Variants in MOCS2 observed in about 807,000 individuals in gnomAD.
MOCS2 encodes molybdopterin synthase catalytic subunit.
A neutral mutation model predicts 21.9 loss-of-function variants in MOCS2; 13 were observed. The ratio of observed to expected loss-of-function variants is 0.59; its 90% CI spans 0.39 to 0.94. MOCS2 has a LOEUF of 0.94. Among genes scored for constraint, MOCS2 ranks in the 40% least tolerant of loss-of-function variants. The pLI is 0.00. For synonymous variants in MOCS2, 92 were observed against 80.8 expected (o/e 1.14, Z -0.74); for missense variants, 227 against 218.3 (o/e 1.04, Z -0.25).
intron 2 of MOCS2, 73 bp from the exon 3 acceptor site, chr5:53,107,294 G>GTA: frequency 7.6e-7 from 1 of 1,323,590 alleles, no homozygotes; most frequent in Non-Finnish European, 1.1e-6. Context: ...TGCAATTAGA[G>GTA]ATATTACATA....
At chr5:53,108,256 G>A (rs1442219244) in intron 2 of MOCS2, among the ~76,000 whole-genome samples, 1 of 152,110 alleles carries the variant, frequency 6.6e-6, no homozygotes, top group Non-Finnish European at 1.5e-5. Context: ...AATTGCAGAA[G>A]TGACATGTGC....
In MOCS2 at chr5:53,098,191, T is replaced by C. The variant is rs1027073392; in HGVS notation, c.*411A>G. 1 of 190,094 alleles carries C rather than the reference T, an allele frequency of 5.3e-6. No homozygotes were observed. The highest frequency in any genetic ancestry group is 2.3e-5 in the African/African-American group (1 of 42,786). The allele number at this position is 190,094 out of a possible 1,614,324, so 11.8% of individuals were successfully genotyped here. A position where few individuals can be genotyped will look rare whatever the true frequency, so the allele number is the denominator to read the frequency against. The stretch of plus-strand genomic sequence containing the variant: ...GTTCTGCCAACATTCCTGTCATGCA[T>C]CCTTAATAACAATGCTCTCCCAGAA... On this transcript the variant is annotated 3_prime_UTR_variant, in exon 7 of 7. Transcript: ENST00000396954.
At chr5:53,103,840 T>A (rs1740981923) in intron 3 of MOCS2, among the ~76,000 whole-genome samples, 1 of 152,112 alleles carries the variant, frequency 6.6e-6, no homozygotes, top group South Asian at 2.1e-4. Flanking sequence ...AAGGAGGAAG[T>A]CTTGTAAAGA....
At chr5:53,098,840 C>A in intron 6 of MOCS2, 173 bp from the exon 7 acceptor site, 1 of 616,976 alleles carries the variant, frequency 1.6e-6, no homozygotes, top group Non-Finnish European at 2.9e-6. Flanking sequence ...GACAGAAAGT[C>A]TTTAGTTTTA....
At chr5:53,109,213 C>T (rs941512672) in intron 1 of MOCS2, 38 bp downstream of exon 1, 2 of 883,776 alleles carry the variant, frequency 2.3e-6, no homozygotes, top group Non-Finnish European at 2.7e-6. Context: ...GTGCCAGCAG[C>T]CTGGTATGTA....
intron 3 of MOCS2, among the ~76,000 whole-genome samples, 170 bp from the exon 4 acceptor site, chr5:53,102,394 A>G (rs959689475): frequency 3.9e-5 from 6 of 152,172 alleles, no homozygotes; most frequent in African/African-American, 1.4e-4. Context: ...GTGGCCCAGG[A>G]TGCTTCTAAG....
chr5:53,099,490 A>G (rs975732228), intron 6 of MOCS2, among the ~76,000 whole-genome samples: 8 of 152,314 alleles, frequency 5.3e-5, no homozygotes, highest in South Asian at 2.1e-4. Context: ...CAGCAAGGGA[A>G]CAATATATCT....
At position 53,108,661 on chromosome 5, in the gene MOCS2, G is replaced by T. The variant is rs759733127; in HGVS notation, c.-169-18C>A. On this transcript the variant is annotated intron_variant, in intron 1 of 6. Coordinates refer to ENST00000396954, the MANE Select transcript of MOCS2 (RefSeq NM_004531.5). ...ACTTCAACCTGAAAGTAAAGAAAATGCTTTTAATAACAACTCATACTCGTT... is the reference window on the plus strand; with the variant it reads ...ACTTCAACCTGAAAGTAAAGAAAATTCTTTTAATAACAACTCATACTCGTT... 6.2e-7 allele frequency: 1 copy of T among 1,610,252 alleles called. No homozygotes were observed. Among genetic ancestry groups the T allele is most frequent in the South Asian group, 1.1e-5 (1 of 90,156 alleles).
intron 1 of MOCS2, among the ~76,000 whole-genome samples, chr5:53,108,952 T>TA (rs1356561041): frequency 6.6e-5 from 10 of 152,150 alleles, no homozygotes; most frequent in African/African-American, 2.4e-4. Context: ...GACATAAAAG[T>TA]ATAGCACCTT....
intron 3 of MOCS2, among the ~76,000 whole-genome samples, chr5:53,105,894 C>T (rs951795905): frequency 3.3e-5 from 5 of 151,986 alleles, no homozygotes; most frequent in Non-Finnish European, 7.4e-5. Context: ...AAAACAACCC[C>T]AATAAAAGTA....
intron 2 of MOCS2, 74 bp downstream of exon 2, chr5:53,108,448 T>TA: frequency 7.2e-7 from 1 of 1,395,474 alleles, no homozygotes; most frequent in Non-Finnish European, 9.7e-7. Context: ...AAATTAACCT[T>TA]TTTACTTTTA....
chr5:53,107,383 T>C, intron 2 of MOCS2, 162 bp from the exon 3 acceptor site: 2 of 654,164 alleles, frequency 3.1e-6, no homozygotes, highest in Non-Finnish European at 5.2e-6. Context: ...ACATATCCAC[T>C]GAAGAACATA....
chr5:53,098,039 AT>A lies in MOCS2; in HGVS notation c.*562del, dbSNP rs1740793973. 6.6e-6 allele frequency: 1 copy of A among 152,398 alleles called. No homozygotes were observed. Among genetic ancestry groups the A allele is most frequent in the African/African-American group, 2.4e-5 (1 of 41,452 alleles). 9.4% of individuals were successfully genotyped at this position (152,398 alleles called of 1,614,324 possible). On this transcript the variant is annotated 3_prime_UTR_variant, in exon 7 of 7. Transcript: ENST00000396954. ...TCCATAATGAGAACTATTTTAGGCA[AT>A]TTAAAAAAAAAGAAAATACTCTTTT...
intron 3 of MOCS2, 54 bp from the exon 4 acceptor site, chr5:53,102,278 A>C (rs888111919): frequency 1.3e-5 from 20 of 1,508,594 alleles, no homozygotes; most frequent in Non-Finnish European, 1.8e-5. Flanking sequence ...TAAAACACTC[A>C]ACAACTTATA....
intron 2 of MOCS2, 55 bp from the exon 3 acceptor site, chr5:53,107,276 G>T (rs1248573953): frequency 4.0e-6 from 6 of 1,498,958 alleles, no homozygotes; most frequent in Non-Finnish European, 5.5e-6. Context: ...ACCTCAAATC[G>T]CTTCAGCTGC....
intron 3 of MOCS2, among the ~76,000 whole-genome samples, chr5:53,104,346 C>A (rs994093108): frequency 5.3e-5 from 8 of 152,188 alleles, no homozygotes; most frequent in African/African-American, 1.9e-4. Flanking sequence ...ACCTAGCTGG[C>A]AGGTTTTAAA....
intron 3 of MOCS2, 69 bp downstream of exon 3, chr5:53,107,008 C>A: frequency 1.9e-6 from 3 of 1,560,932 alleles, no homozygotes; most frequent in Non-Finnish European, 1.8e-6. Flanking sequence ...TAACAGCAAA[C>A]CACATACACT....
At chr5:53,104,751 G>A (rs765276260) in intron 3 of MOCS2, among the ~76,000 whole-genome samples, 6 of 152,060 alleles carry the variant, frequency 3.9e-5, no homozygotes, top group Non-Finnish European at 5.9e-5. Context: ...AGGCATCCTT[G>A]GCTTGCTCCT....
At chr5:53,100,741 T>C (rs1197571809) in intron 5 of MOCS2, 8 of 556,360 alleles carry the variant, frequency 1.4e-5, no homozygotes, top group Non-Finnish European at 1.9e-5. Context: ...CTACAGCTAA[T>C]TTGTTAGAAT....
Sources: allele counts gnomAD v4.1 joint callset (sites outside exome capture counted in the v4.1 genomes callset), GRCh38; gene constraint gnomAD v4.1.1; transcripts MANE v1.5; gene names NCBI Gene and HGNC (gene_info 2026-07-23, HGNC 2026-07-21).